Variants in ZNF516 observed in about 807,000 individuals in gnomAD.
ZNF516 encodes zinc finger protein 516.
Under a neutral mutation model 79.7 loss-of-function variants are expected in ZNF516, and 19 were observed. The observed-to-expected ratio is 0.24, with a 90% confidence interval of 0.17 to 0.35. The LOEUF is 0.35. ZNF516 is among the 10% of genes least tolerant of loss of function. ZNF516 has a pLI of 1.00. For missense variants in ZNF516, 1,678 were observed against 1,679.5 expected (o/e 1.00, Z 0.02); for synonymous variants, 877 against 739.5 (o/e 1.19, Z -3.02).
chr18:76,380,558 T>C (rs2074874783), intron 3 of ZNF516, among the ~76,000 whole-genome samples: 1 of 152,160 alleles, frequency 6.6e-6, no homozygotes, highest in Non-Finnish European at 1.5e-5. Context: ...ATAGCAGTGG[T>C]GTATCTAGTT....
At position 76,399,160 on chromosome 18, in the gene ZNF516, A is replaced by C. The variant is rs2075184685; in HGVS notation, c.1811-18857T>G. On this transcript the variant is annotated intron_variant, in intron 3 of 6. Transcript: ENST00000443185. ...CTGGTGCTACGCGTGTGGTCCCCGTACATGGAAGAGCCATCCACTTTTCAA... is the reference window on the plus strand; with the variant it reads ...CTGGTGCTACGCGTGTGGTCCCCGTCCATGGAAGAGCCATCCACTTTTCAA... 8.8e-5 allele frequency among the ~76,000 whole-genome samples: 12 copies of C among 136,334 alleles called. No homozygotes were observed. In the Admixed American group the frequency reaches 8.9e-4, roughly 10 times the overall value. 89.4% of individuals were successfully genotyped at this position (136,334 alleles called of 152,430 possible). A position where few individuals can be genotyped will look rare whatever the true frequency, so the allele number is the denominator to read the frequency against.
intron 2 of ZNF516, among the ~76,000 whole-genome samples, chr18:76,448,883 G>A (rs1912227359): frequency 6.6e-6 from 1 of 151,796 alleles, no homozygotes; most frequent in South Asian, 2.1e-4. Flanking sequence ...AGTAAGACAA[G>A]GAGAAGTTTC....
chr18:76,453,245 T>C (rs1912524282), intron 2 of ZNF516, among the ~76,000 whole-genome samples: 1 of 152,350 alleles, frequency 6.6e-6, no homozygotes, highest in Non-Finnish European at 1.5e-5. Flanking sequence ...TCCAGGCTTC[T>C]GGAGCAGCCA....
intron 1 of ZNF516, among the ~76,000 whole-genome samples, chr18:76,463,558 G>A (rs1482651806): frequency 5.3e-5 from 8 of 152,252 alleles, no homozygotes; most frequent in African/African-American, 1.9e-4. Flanking sequence ...ACTGCCGACC[G>A]CCAGAAATGC....
rs374008657 is a variant in ZNF516, at chr18:76,442,308, C to T, written c.747G>A (p.Pro249=). Residue 249 remains proline, a synonymous_variant, in exon 3 of 7, where the codon CCG becomes CCA. Coordinates refer to ENST00000443185, the MANE Select transcript of ZNF516 (RefSeq NM_014643.4). The stretch of plus-strand genomic sequence containing the variant: ...TGAAGGCCTGGCCACACACCTCGCA[C>T]GGGAACTCCCCGGGGCTCAGCTCGG... ...GKPELSPGEF[P]CEVCGQAFSQ... 6.2e-7 allele frequency: 1 copy of T among 1,612,154 alleles called. No individual in the cohort carries two copies. Among genetic ancestry groups the T allele is most frequent in the Non-Finnish European group, 8.5e-7 (1 of 1,179,412 alleles).
chr18:76,360,923 C>G lies in ZNF516; in HGVS notation c.*1575G>C, dbSNP rs924574500. On this transcript the variant is annotated 3_prime_UTR_variant, in exon 7 of 7. Transcript: ENST00000443185. ...TCTGTGTTTAAACAAGACTTTGTATCAGAAGCCCACTGTCTACAAAAACTG... is the reference window on the plus strand; with the variant it reads ...TCTGTGTTTAAACAAGACTTTGTATGAGAAGCCCACTGTCTACAAAAACTG... 1 of 151,230 alleles carries G rather than the reference C, an allele frequency of 6.6e-6. No individual in the cohort carries two copies. The highest frequency in any genetic ancestry group is 2.4e-5 in the African/African-American group (1 of 41,142). 9.4% of individuals were successfully genotyped at this position (151,230 alleles called of 1,614,324 possible).
intron 1 of ZNF516, chr18:76,490,834 T>A (rs1051232728): frequency 2.0e-6 from 2 of 985,360 alleles, no homozygotes; most frequent in Non-Finnish European, 2.4e-6. Context: ...CCGTCCTTTG[T>A]TACGCAGGGG....
intron 6 of ZNF516, among the ~76,000 whole-genome samples, chr18:76,365,801 C>T (rs1214825923): frequency 6.6e-6 from 1 of 152,200 alleles, no homozygotes; most frequent in Non-Finnish European, 1.5e-5. Context: ...GGGCCCGGAC[C>T]CTCTCACCAT....
chr18:76,464,030 A>G (rs1913289199), intron 1 of ZNF516, among the ~76,000 whole-genome samples: 3 of 152,054 alleles, frequency 2.0e-5, no homozygotes, highest in African/African-American at 7.2e-5. Flanking sequence ...CAGTCTCAGA[A>G]GTGGGACTCA....
At chr18:76,495,863 T>C (rs556286697), upstream of ZNF516, 9 of 580,620 alleles carry the variant, frequency 1.6e-5, no homozygotes, top group East Asian at 1.1e-3. Flanking sequence ...GGTGTTCAGA[T>C]GCAGGATCAA....
At chr18:76,494,742 CTT>C (rs926024124) in intron 1 of ZNF516, among the ~76,000 whole-genome samples, 3 of 151,924 alleles carry the variant, frequency 2.0e-5, no homozygotes, top group Non-Finnish European at 2.9e-5. Flanking sequence ...GCAATTTGCT[CTT>C]TGTCTCCTAA....
rs758416734 is a variant in ZNF516 at position 76,379,246 on chromosome 18, G to A, written c.2868C>T (p.Pro956=). The change falls in exon 4 of 7, where the codon CCC becomes CCT. Residue 956 remains proline (P), a synonymous_variant. Coordinates refer to ENST00000443185, the MANE Select transcript of ZNF516 (RefSeq NM_014643.4). ...NSKPVEKFGV[P]PAGAGFAPTN... is the part of the protein sequence containing the mutation. ...TGGGGGCAAAGCCAGCCCCCGCTGG[G>A]GGGACCCCAAACTTCTCCACAGGCT... 9.9e-6 allele frequency: 16 copies of A among 1,612,586 alleles called. No individual in the cohort carries two copies. The South Asian group carries it at 1.8e-4, about 18-fold the overall frequency.
intron 3 of ZNF516, among the ~76,000 whole-genome samples, chr18:76,434,833 C>T (rs1023927710): frequency 5.3e-5 from 8 of 152,374 alleles, no homozygotes; most frequent in South Asian, 2.1e-4. Context: ...ACAGCAGCTT[C>T]GGTGGAAATC....
intron 1 of ZNF516, among the ~76,000 whole-genome samples, chr18:76,466,895 G>A (rs1913508680): frequency 6.6e-6 from 1 of 152,234 alleles, no homozygotes; most frequent in Non-Finnish European, 1.5e-5. Context: ...GCCACGGGCG[G>A]TGAACGTGGG....
At chr18:76,378,772 C>T (rs556581473) in intron 4 of ZNF516, 83 bp downstream of exon 4, 238 of 1,510,856 alleles carry the variant, frequency 1.6e-4, no homozygotes, top group Non-Finnish European at 2.0e-4. Flanking sequence ...CATGGACAGG[C>T]AGGTGCGCAG....
At position 76,365,476 on chromosome 18, in the gene ZNF516, A is replaced by G. The variant is rs139937089; in HGVS notation, c.3433-2919T>C. Among the ~76,000 whole-genome samples, 577 of 152,328 alleles carry G rather than the reference A, an allele frequency of 3.8e-3. 6 individuals carry two copies. Among genetic ancestry groups the G allele is most frequent in the African/African-American group, 0.013 (550 of 41,568 alleles). On this transcript the variant is annotated intron_variant, in intron 6 of 6. Transcript: ENST00000443185. ...CTTCCTAGTTTTTCCTCTAACATCC[A>G]CAGGACAAAACACCCAGATTTCAAC... is the stretch of plus-strand genomic sequence containing the variant.
intron 3 of ZNF516, among the ~76,000 whole-genome samples, chr18:76,417,171 AGCGG>A (rs2075443374): frequency 6.6e-6 from 1 of 152,216 alleles, no homozygotes; most frequent in Non-Finnish European, 1.5e-5. Flanking sequence ...TCGATGCCGC[AGCGG>A]CTACTGAACG....
At chr18:76,431,489 C>G (rs531714135) in intron 3 of ZNF516, among the ~76,000 whole-genome samples, 3 of 152,196 alleles carry the variant, frequency 2.0e-5, no homozygotes, top group African/African-American at 7.2e-5. Flanking sequence ...GTCCTGTGCC[C>G]GGCATGACGG....
chr18:76,426,518 G>C (rs1435174005), intron 3 of ZNF516, among the ~76,000 whole-genome samples: 2 of 149,962 alleles, frequency 1.3e-5, no homozygotes, highest in Non-Finnish European at 3.0e-5. Flanking sequence ...ATATTGCATG[G>C]GACATACATA....
Sources: gnomAD v4.1 joint callset for allele counts (sites outside exome capture counted in the v4.1 genomes callset) on GRCh38, gnomAD v4.1.1 for gene constraint, MANE v1.5 for transcripts, NCBI Gene and HGNC (gene_info 2026-07-23, HGNC 2026-07-21) for gene names.